LPP: variants seen among roughly 807,000 people sequenced by gnomAD.
The protein encoded by LPP is LIM domain containing preferred translocation partner in lipoma.
LPP carries 38 observed loss-of-function variants against 60.4 expected under a neutral mutation model. The observed-to-expected ratio is 0.63, with a 90% CI of 0.49 to 0.83. The LOEUF is 0.83. Ranked by LOEUF, LPP falls within the 40% of genes least tolerant of loss-of-function variation. LPP has a pLI of 0.00. For synonymous variants in LPP, 328 were observed against 290.8 expected (o/e 1.13, Z -1.30); for missense variants, 902 against 783.6 (o/e 1.15, Z -1.80).
intron 2 of LPP, among the ~76,000 whole-genome samples, chr3:188,275,501 G>A (rs528103553): frequency 9.6e-4 from 146 of 152,196 alleles, no homozygotes; most frequent in African/African-American, 3.4e-3. Flanking sequence ...CTGGGACGGT[G>A]GGTGTGCACC....
At chr3:188,638,478 C>G (rs1157083803) in intron 7 of LPP, among the ~76,000 whole-genome samples, 6 of 141,984 alleles carry the variant, frequency 4.2e-5, no homozygotes, top group South Asian at 4.7e-4. Context: ...CCTCTCTCAC[C>G]ACTCCTATTC....
chr3:188,278,951 C>A (rs561140150), intron 2 of LPP, among the ~76,000 whole-genome samples: 1 of 152,240 alleles, frequency 6.6e-6, no homozygotes, highest in East Asian at 1.9e-4. Context: ...AACTGCTTTC[C>A]CATGATTTAT....
At chr3:188,541,885 G>A (rs1261379656) in intron 6 of LPP, among the ~76,000 whole-genome samples, 3 of 151,900 alleles carry the variant, frequency 2.0e-5, no homozygotes, top group Admixed American at 2.0e-4. Flanking sequence ...TGACAAGAGC[G>A]AAACTCCATC....
chr3:188,462,408 T>C (rs982422937), intron 4 of LPP, among the ~76,000 whole-genome samples: 10 of 150,716 alleles, frequency 6.6e-5, no homozygotes, highest in Admixed American at 4.0e-4. Flanking sequence ...TTAAAAAATA[T>C]TTTTAAATTG....
In LPP at chr3:188,785,547, T is replaced by TATATATATATATATACACACAC. The variant is rs1206082559; in HGVS notation, c.1410+25266_1410+25267insTATATATATATATACACACACA. 0.012 allele frequency among the ~76,000 whole-genome samples: 521 copies of TATATATATATATATACACACAC among 43,818 alleles called. 89 individuals carry two copies. In the East Asian group the frequency reaches 0.2, roughly 16 times the overall value. 28.7% of individuals were successfully genotyped at this position (43,818 alleles called of 152,430 possible). On this transcript the variant is annotated intron_variant, in intron 9 of 11. Transcript: ENST00000617246. ...ATATATATTCCATCATATATATATA[T>TATATATATATATATACACACAC]ACACACACACACACACACACACACA...
chr3:188,391,159 A>G (rs1578551903), intron 3 of LPP, among the ~76,000 whole-genome samples: 1 of 152,178 alleles, frequency 6.6e-6, no homozygotes, highest in East Asian at 1.9e-4. Context: ...ACTTTCATTC[A>G]TCTAGCCCCC....
intron 1 of LPP, among the ~76,000 whole-genome samples, chr3:188,215,365 T>C (rs1713143126): frequency 6.6e-6 from 1 of 151,964 alleles, no homozygotes; most frequent in African/African-American, 2.4e-5. Context: ...CATATTGCTG[T>C]GTAATCAGTC....
At chr3:188,498,105 A>G (rs1295123733) in intron 5 of LPP, among the ~76,000 whole-genome samples, 1 of 151,980 alleles carries the variant, frequency 6.6e-6, no homozygotes, top group Non-Finnish European at 1.5e-5. Context: ...AGCGTCTTCT[A>G]CCTCCTCCAG....
At chr3:188,760,776 T>C (rs1732044363) in intron 9 of LPP, among the ~76,000 whole-genome samples, 1 of 152,202 alleles carries the variant, frequency 6.6e-6, no homozygotes, top group African/African-American at 2.4e-5. Flanking sequence ...AAAATGTTTC[T>C]TCCCCCTCTT....
intron 9 of LPP, among the ~76,000 whole-genome samples, chr3:188,800,246 C>CTTTTTTT (rs33982362): frequency 9.3e-5 from 9 of 97,294 alleles, no homozygotes; most frequent in East Asian, 2.9e-4. Flanking sequence ...TTGAAGCTTT[C>CTTTTTTT]TTTTTTTTTT....
chr3:188,514,961 T>G (rs1233908517), intron 5 of LPP, among the ~76,000 whole-genome samples: 1 of 152,128 alleles, frequency 6.6e-6, no homozygotes, highest in Non-Finnish European at 1.5e-5. Flanking sequence ...AAAGGAGATT[T>G]GGGTTGGCCA....
chr3:188,848,619 T>A (rs1203306695), intron 9 of LPP, among the ~76,000 whole-genome samples: 2 of 152,226 alleles, frequency 1.3e-5, no homozygotes, highest in Non-Finnish European at 2.9e-5. Flanking sequence ...ACCTCTTTGA[T>A]ACACAGATGT....
intron 6 of LPP, among the ~76,000 whole-genome samples, chr3:188,587,654 T>C (rs1373800593): frequency 1.3e-5 from 2 of 152,236 alleles, no homozygotes; most frequent in Non-Finnish European, 2.9e-5. Context: ...AGTGGTTATA[T>C]GATTTGTATC....
At chr3:188,589,226 C>T (rs1020166166) in intron 6 of LPP, among the ~76,000 whole-genome samples, 8 of 151,928 alleles carry the variant, frequency 5.3e-5, no homozygotes, top group African/African-American at 9.7e-5. Flanking sequence ...CTATCACTTC[C>T]GGGCATTGGC....
chr3:188,672,536 G>A (rs1023309112), intron 7 of LPP, among the ~76,000 whole-genome samples: 3 of 152,156 alleles, frequency 2.0e-5, no homozygotes, highest in Admixed American at 1.3e-4. Context: ...GTGTGTGTAC[G>A]TTGATGGAGG....
intron 7 of LPP, among the ~76,000 whole-genome samples, chr3:188,685,992 T>C (rs1457431012): frequency 6.6e-6 from 1 of 152,178 alleles, no homozygotes; most frequent in African/African-American, 2.4e-5. Flanking sequence ...CCTGGCCTAA[T>C]GTGTATGAGG....
intron 2 of LPP, among the ~76,000 whole-genome samples, chr3:188,267,571 C>T (rs1019622775): frequency 3.3e-5 from 5 of 152,176 alleles, no homozygotes; most frequent in Non-Finnish European, 7.3e-5. Context: ...CCCAGAAGAG[C>T]TCTGTGCCTC....
chr3:188,440,735 C>A (rs1278472108), intron 4 of LPP, among the ~76,000 whole-genome samples: 1 of 152,114 alleles, frequency 6.6e-6, no homozygotes, highest in African/African-American at 2.4e-5. Context: ...TGCAGTTTGA[C>A]CTTTGGGGTT....
At chr3:188,496,508 G>A (rs553155699) in intron 5 of LPP, among the ~76,000 whole-genome samples, 243 of 152,262 alleles carry the variant, frequency 1.6e-3, no homozygotes, top group Non-Finnish European at 2.7e-3. Flanking sequence ...GGGAAAGGTA[G>A]GGAGGATTCT....
Sources: allele counts gnomAD v4.1 joint callset (sites outside exome capture counted in the v4.1 genomes callset), GRCh38; gene constraint gnomAD v4.1.1; transcripts MANE v1.5; gene names NCBI Gene and HGNC (gene_info 2026-07-23, HGNC 2026-07-21).